The following AFG3L2 variants were observed in gnomAD, a reference collection of about 807,000 sequenced individuals.
AFG3L2 encodes AFG3 like matrix AAA peptidase subunit 2, also known as mitochondrial inner membrane m-AAA protease component AFG3L2.
A neutral mutation model predicts 94.5 loss-of-function variants in AFG3L2; 54 were observed. The ratio of observed to expected loss-of-function variants is 0.57; its 90% CI spans 0.46 to 0.72. The LOEUF is 0.72. Ranked by LOEUF, AFG3L2 falls within the 30% of genes least tolerant of loss-of-function variation. The pLI is 0.00. For missense variants in AFG3L2, 754 were observed against 994.9 expected (o/e 0.76, Z 3.26); for synonymous variants, 377 against 365.5 (o/e 1.03, Z -0.36).
chr18:12,342,161 C>T (rs11660106), intron 14 of AFG3L2: 16,864 of 152,226 alleles, frequency 0.11, 969 homozygotes, highest in Middle Eastern at 0.2. Flanking sequence ...CCACTGTACC[C>T]GGCCCCATTT....
chr18:12,376,440 G>A lies in AFG3L2; in HGVS notation c.114+529C>T, dbSNP rs180947779. On this transcript the variant is annotated intron_variant, in intron 1 of 16. Transcript: ENST00000269143. ...TCCTGCTGAGAGCAGGCCCTGATATGCAACGAACACAGAGTCCCTGCTATG... is the reference window on the plus strand; with the variant it reads ...TCCTGCTGAGAGCAGGCCCTGATATACAACGAACACAGAGTCCCTGCTATG... 2.6e-5 allele frequency among the ~76,000 whole-genome samples: 4 copies of A among 152,306 alleles called. No homozygotes were observed. In the East Asian group the frequency reaches 7.7e-4, roughly 29 times the overall value.
Position 12,329,344 on chromosome 18 carries a change from T to TG in AFG3L2, c.*220dup. 1.5e-6 allele frequency: 1 copy of TG among 672,784 alleles called. No individual in the cohort carries two copies. The highest frequency in any genetic ancestry group is 2.7e-5 in the East Asian group (1 of 37,044). 41.7% of individuals were successfully genotyped at this position (672,784 alleles called of 1,614,324 possible). ...CACGTCTGGGAGCCCAATGAGGCTATGGGACAGTGTGCATTTCCCTCAAGG... is the reference window on the plus strand; with the variant it reads ...CACGTCTGGGAGCCCAATGAGGCTATGGGGACAGTGTGCATTTCCCTCAAGG... On this transcript the variant is annotated 3_prime_UTR_variant, in exon 17 of 17. Transcript: ENST00000269143.
intron 15 of AFG3L2, 152 bp from the exon 16 acceptor site, chr18:12,337,687 T>A: frequency 1.4e-6 from 1 of 715,738 alleles, no homozygotes; most frequent in Middle Eastern, 2.4e-4. Flanking sequence ...AACTCATGAC[T>A]AGAAACACAG....
rs746286787 is a variant in AFG3L2, at chr18:12,353,172, G to T, written c.1165-14C>A. On this transcript the variant is annotated splice_polypyrimidine_tract_variant and intron_variant, in intron 9 of 16. Transcript: ENST00000269143. ...TAAGTCTCGGACCTTGGCAAAAACAGAAAGAGAGTCACCTGACCAGAGAAT... is the reference window on the plus strand; with the variant it reads ...TAAGTCTCGGACCTTGGCAAAAACATAAAGAGAGTCACCTGACCAGAGAAT... The T allele has an allele frequency of 8.1e-6, 13 of 1,613,576 alleles. No individual in the cohort carries two copies. The South Asian group carries it at 1.4e-4, about 18-fold the overall frequency.
At position 12,359,073 on chromosome 18, in the gene AFG3L2, G is replaced by A. The variant is rs928192374; in HGVS notation, c.753-130C>T. Reference sequence around the variant, plus strand: ...ACCTTCTGCACTTAATACAAAGGAGGGTAACTTGCAAGTGTTCTTCAAAGG... The same window carrying A: ...ACCTTCTGCACTTAATACAAAGGAGAGTAACTTGCAAGTGTTCTTCAAAGG... On this transcript the variant is annotated intron_variant, in intron 7 of 16. Coordinates refer to ENST00000269143, the MANE Select transcript of AFG3L2 (RefSeq NM_006796.3). The A allele has an allele frequency of 3.0e-6, 4 of 1,340,406 alleles. No homozygotes were observed. The Admixed American group carries it at 6.5e-5, about 22-fold the overall frequency. 83.0% of individuals were successfully genotyped at this position (1,340,406 alleles called of 1,614,324 possible).
At position 12,337,229 on chromosome 18, in the gene AFG3L2, G is replaced by A. The variant is rs577177454; in HGVS notation, c.2175+112C>T. On this transcript the variant is annotated intron_variant, in intron 16 of 16. Transcript: ENST00000269143. ...CATCAGAACGAACGGACCCATGGGT[G>A]AGCCAGAGAGAGGGAATTCTGCAGT... 66 of 944,246 alleles carry A rather than the reference G, an allele frequency of 7.0e-5. No homozygotes were observed. The African/African-American group carries it at 9.6e-4, about 14-fold the overall frequency. 58.5% of individuals were successfully genotyped at this position (944,246 alleles called of 1,614,324 possible).
intron 16 of AFG3L2, among the ~76,000 whole-genome samples, chr18:12,332,268 C>T (rs937508420): frequency 2.6e-5 from 4 of 151,758 alleles, no homozygotes; most frequent in Admixed American, 6.6e-5. Context: ...GGATTACAGG[C>T]GTCCACCACC....
intron 1 of AFG3L2, 82 bp from the exon 2 acceptor site, chr18:12,371,773 G>C (rs1873223880): frequency 8.9e-7 from 1 of 1,125,530 alleles, no homozygotes; most frequent in East Asian, 2.5e-5. Flanking sequence ...TCATAAAGTA[G>C]ATGAAAGGTC....
chr18:12,343,947 C>T, intron 14 of AFG3L2, 185 bp downstream of exon 14: 1 of 628,338 alleles, frequency 1.6e-6, no homozygotes, highest in Non-Finnish European at 2.8e-6. Context: ...AAATAATTTT[C>T]TGTCCAAATT....
intron 16 of AFG3L2, 85 bp downstream of exon 16, chr18:12,337,256 T>C (rs1907775719): frequency 2.4e-6 from 3 of 1,253,160 alleles, no homozygotes; most frequent in Admixed American, 1.7e-5. Context: ...TTCTGCAGTC[T>C]ACACACCAAC....
In AFG3L2 at chr18:12,367,357, G is replaced by A. The variant is rs749327280; in HGVS notation, c.318C>T (p.Arg106=). Residue 106 remains arginine, a synonymous_variant, in exon 4 of 17, where the codon CGC becomes CGT. Transcript: ENST00000269143. ...CGCCACCACCTCCTCCTCCAGAAGA[G>A]CGTGTGGTAGCAGCTGGCTTTGATT... ...KKESKPAATT[R]SSGGGGGGGG... is the part of the protein sequence containing the mutation. 3.7e-6 allele frequency: 6 copies of A among 1,614,162 alleles called. No individual in the cohort carries two copies. The East Asian group carries it at 1.3e-4, about 36-fold the overall frequency.
intron 9 of AFG3L2, among the ~76,000 whole-genome samples, chr18:12,353,666 G>A (rs574566099): frequency 3.9e-5 from 6 of 152,194 alleles, no homozygotes; most frequent in Non-Finnish European, 8.8e-5. Context: ...CTGGGTAACC[G>A]ACTTAAGGTG....
rs191316992 is a variant in AFG3L2 at position 12,331,921 on chromosome 18, G to A, written c.2176-2138C>T. Among the ~76,000 whole-genome samples, 882 of 118,504 alleles carry A rather than the reference G, an allele frequency of 7.4e-3. 6 individuals are homozygous for A. Among genetic ancestry groups the A allele is most frequent in the Non-Finnish European group, 0.012 (624 of 52,828 alleles). The allele number at this position is 118,504 out of a possible 152,430, so 77.7% of individuals were successfully genotyped here. On this transcript the variant is annotated intron_variant, in intron 16 of 16. Transcript: ENST00000269143. The stretch of plus-strand genomic sequence containing the variant: ...GGTTAATGTGACAGTAGTTTACTTT[G>A]AAGTTCTATTCATTTGTTACAGCTG...
At position 12,358,657 on chromosome 18, in the gene AFG3L2, A is replaced by T. The variant is rs754284168; in HGVS notation, c.1026+13T>A. On this transcript the variant is annotated intron_variant, in intron 8 of 16. Transcript: ENST00000269143. ...GAAACATTTCAAAAAGTTAATCTTA[A>T]ATTTCATTTTACCTTTGGGATTTTT... 7.4e-6 allele frequency: 12 copies of T among 1,612,854 alleles called. No homozygotes were observed. In the East Asian group the frequency reaches 2.4e-4, roughly 33 times the overall value.
intron 9 of AFG3L2, among the ~76,000 whole-genome samples, chr18:12,354,766 C>G (rs1568140914): frequency 6.6e-6 from 1 of 152,058 alleles, no homozygotes; most frequent in Non-Finnish European, 1.5e-5. Flanking sequence ...CCACCAGGCC[C>G]ACCCTTCCCC....
At position 12,370,848 on chromosome 18, in the gene AFG3L2, C is replaced by T. The variant is rs769507725; in HGVS notation, c.292+1G>A. The stretch of plus-strand genomic sequence containing the variant: ...TCAAATATAATATTGTCAAAAGGTA[C>T]CTTTTTTCTCTCCCATAACTTCTTT... On this transcript the variant is annotated splice_donor_variant, in intron 3 of 16. Transcript: ENST00000269143. LOFTEE classifies it high-confidence loss of function. 17 of 1,568,404 alleles carry T rather than the reference C, an allele frequency of 1.1e-5. No homozygotes were observed. Among genetic ancestry groups the T allele is most frequent in the Non-Finnish European group, 1.4e-5 (16 of 1,141,210 alleles).
At chr18:12,337,638 T>C in intron 15 of AFG3L2, 103 bp from the exon 16 acceptor site, 1 of 1,057,044 alleles carries the variant, frequency 9.5e-7, no homozygotes, top group Non-Finnish European at 1.4e-6. Context: ...AGGTGCTCTG[T>C]GTAGCCAGCA....
At chr18:12,340,789 T>G (rs563337683) in intron 14 of AFG3L2, 73 of 239,500 alleles carry the variant, frequency 3.0e-4, no homozygotes, top group African/African-American at 1.6e-3. Flanking sequence ...AAGAAGGGGT[T>G]TCACCATGTT....
intron 10 of AFG3L2, 91 bp downstream of exon 10, chr18:12,352,914 C>A (rs1157459918): frequency 1.9e-6 from 3 of 1,560,632 alleles, no homozygotes; most frequent in East Asian, 4.5e-5. Flanking sequence ...GAAATCACAC[C>A]ACTCACTTCA....
Sources: gnomAD v4.1 joint callset for allele counts (sites outside exome capture counted in the v4.1 genomes callset) on GRCh38, gnomAD v4.1.1 for gene constraint, MANE v1.5 for transcripts, NCBI Gene and HGNC (gene_info 2026-07-23, HGNC 2026-07-21) for gene names.